IQSEC1: variants seen among roughly 807,000 people sequenced by gnomAD.
IQSEC1 encodes the protein IQ motif and SEC7 domain-containing protein 1.
Under a neutral mutation model 91.0 loss-of-function variants are expected in IQSEC1, and 31 were observed. That is an observed-to-expected ratio of 0.34 (90% CI 0.26 to 0.46). IQSEC1 has a LOEUF of 0.46. Among genes scored for constraint, IQSEC1 ranks in the 20% least tolerant of loss-of-function variants. IQSEC1 has a pLI of 1.00. For synonymous variants in IQSEC1, 699 were observed against 662.6 expected (o/e 1.05, Z -0.84); for missense variants, 1,388 against 1,575.6 (o/e 0.88, Z 2.02).
chr3:13,155,222 T>C lies in IQSEC1; in HGVS notation c.302+8882A>G, dbSNP rs1419087721. Among the ~76,000 whole-genome samples the C allele has an allele frequency of 7.9e-5, 12 of 152,106 alleles. No homozygotes were observed. In the East Asian group the frequency reaches 1.3e-3, roughly 17 times the overall value. ...AACAAAAGTTGGTTCTCCCAGAAGA[T>C]TGACAAAATTGACGATTCACCACTT... is the stretch of plus-strand genomic sequence containing the variant. On this transcript the variant is annotated intron_variant, in intron 2 of 15. Transcript: ENST00000648114.
At chr3:13,204,089 G>A (rs750689694) in intron 1 of IQSEC1, among the ~76,000 whole-genome samples, 2 of 152,236 alleles carry the variant, frequency 1.3e-5, no homozygotes, top group African/African-American at 4.8e-5. Flanking sequence ...AAGGGAGGAC[G>A]CAGGCACTCT....
At chr3:13,041,760 C>T (rs1418774018) in intron 1 of IQSEC1, among the ~76,000 whole-genome samples, 1 of 152,208 alleles carries the variant, frequency 6.6e-6, no homozygotes, top group African/African-American at 2.4e-5. Flanking sequence ...CGAATCCCTA[C>T]AGTTGGGAAA....
chr3:13,064,413 T>C (rs1337447586), intron 1 of IQSEC1, among the ~76,000 whole-genome samples: 1 of 152,032 alleles, frequency 6.6e-6, no homozygotes, highest in African/African-American at 2.4e-5. Context: ...AATGGTAAAA[T>C]TACAGAGAAA....
chr3:13,026,830 A>G (rs1199235333), intron 1 of IQSEC1, among the ~76,000 whole-genome samples: 1 of 148,914 alleles, frequency 6.7e-6, no homozygotes, highest in Non-Finnish European at 1.5e-5. Context: ...TCTTTGCACA[A>G]TCACCCTATG....
Position 12,909,462 on chromosome 3 carries a change from G to T in IQSEC1, c.2417-28C>A. The T allele has an allele frequency of 6.3e-7, 1 of 1,594,904 alleles. No individual in the cohort carries two copies. Among genetic ancestry groups the T allele is most frequent in the South Asian group, 1.1e-5 (1 of 89,924 alleles). On this transcript the variant is annotated intron_variant, in intron 10 of 13. Coordinates refer to ENST00000613206, the MANE Select transcript of IQSEC1 (RefSeq NM_001134382.3). This position sits in a 1 kb window ranked among gnomAD's most constrained non-coding sequence, Gnocchi z 4.9. The stretch of plus-strand genomic sequence containing the variant: ...GCAAAAGGGAAGGAGAGGGGAGGAG[G>T]CCCACGGGTCTCAGTGTGTTCTCTG...
chr3:13,194,115 C>T (rs1013720996), intron 1 of IQSEC1, among the ~76,000 whole-genome samples: 16 of 152,130 alleles, frequency 1.1e-4, no homozygotes, highest in African/African-American at 3.9e-4. Flanking sequence ...TTAGGGCCAC[C>T]ACCACGAGCT....
intron 1 of IQSEC1, among the ~76,000 whole-genome samples, chr3:13,230,333 G>C (rs780438577): frequency 3.3e-5 from 5 of 152,178 alleles, no homozygotes; most frequent in Non-Finnish European, 5.9e-5. Flanking sequence ...AATTGACCTT[G>C]TTCGATGACA....
intron 1 of IQSEC1, among the ~76,000 whole-genome samples, chr3:12,956,506 T>C (rs376233469): frequency 2.6e-5 from 4 of 152,182 alleles, no homozygotes; most frequent in East Asian, 3.8e-4. Context: ...CACAATCCCA[T>C]GGTCATCATA....
chr3:12,920,570 C>A lies in IQSEC1; in HGVS notation c.1880G>T (p.Gly627Val), dbSNP rs766183043. 7.4e-6 allele frequency: 12 copies of A among 1,614,004 alleles called. No individual in the cohort carries two copies. The Admixed American group carries it at 1.5e-4, about 20-fold the overall frequency. ...FSQRYCICNPGVVRQFRNPDT... is the reference protein window; with the variant it reads ...FSQRYCICNPVVVRQFRNPDT... ...TGGGTTCCGGAATTGCCGCACCACC[C>A]CAGGGTTGCAGATGCAGTAGCGCTG... The change falls in exon 6 of 14, where the codon GGG (glycine) becomes GTG (valine). Residue 627 changes from glycine to valine, a missense_variant. Gly to Val is a moderately radical substitution (Grantham distance 109, BLOSUM62 -3). Around this residue, in one of 2 missense-constraint regions of IQSEC1, gnomAD observed 1,059 missense variants for 1,317.8 expected, o/e 0.80. Coordinates refer to ENST00000613206, the MANE Select transcript of IQSEC1 (RefSeq NM_001134382.3).
rs369349212 is a variant in IQSEC1, at chr3:13,045,785, G to A, written c.23+27207C>T. On this transcript the variant is annotated intron_variant, in intron 1 of 13. Transcript: ENST00000613206. ...CAGAGGCCAGGCTCAGCCCCTACAG[G>A]AGCCTCCTCAGCCTCCTTCCCTGGG... Among the ~76,000 whole-genome samples, 5 of 152,336 alleles carry A rather than the reference G, an allele frequency of 3.3e-5. No homozygotes were observed. The East Asian group carries it at 7.7e-4, about 24-fold the overall frequency.
intron 1 of IQSEC1, among the ~76,000 whole-genome samples, chr3:13,241,537 G>A (rs1222742537): frequency 3.3e-5 from 5 of 152,184 alleles, no homozygotes; most frequent in South Asian, 2.1e-4. Context: ...CCTCTCCCTC[G>A]GGGACTGGTT....
At chr3:12,911,477 G>C (rs1325638199) in intron 10 of IQSEC1, 152 bp downstream of exon 10, 3 of 647,190 alleles carry the variant, frequency 4.6e-6, no homozygotes, top group Non-Finnish European at 8.4e-6. Flanking sequence ...TGTGCCTACA[G>C]CTCACCGGAG....
chr3:12,900,057 A>G lies in IQSEC1; in HGVS notation c.*926T>C, dbSNP rs1694076173. ...AATGTCCTAAGACAACCAGCTTGTA[A>G]CCAGCTGTCCTGAGTTGCTACTGTA... On this transcript the variant is annotated 3_prime_UTR_variant, in exon 14 of 14. Coordinates refer to ENST00000613206, the MANE Select transcript of IQSEC1 (RefSeq NM_001134382.3). 1.0e-6 allele frequency: 1 copy of G among 985,358 alleles called. No homozygotes were observed. The highest frequency in any genetic ancestry group is 1.2e-6 in the Non-Finnish European group (1 of 829,908). 61.0% of individuals were successfully genotyped at this position (985,358 alleles called of 1,614,324 possible).
intron 1 of IQSEC1, among the ~76,000 whole-genome samples, chr3:13,245,450 C>T (rs1036882436): frequency 1.3e-5 from 2 of 152,196 alleles, no homozygotes; most frequent in Non-Finnish European, 1.5e-5. Flanking sequence ...GGATGGGAGA[C>T]GCTGAACAGT....
chr3:13,082,147 C>G (rs1203471028), intron 2 of IQSEC1, among the ~76,000 whole-genome samples: 1 of 152,174 alleles, frequency 6.6e-6, no homozygotes, highest in Non-Finnish European at 1.5e-5. Flanking sequence ...GCTCTGTCAC[C>G]TACTAGCTGT....
At chr3:13,134,024 A>T (rs1335574506) in intron 2 of IQSEC1, among the ~76,000 whole-genome samples, 1 of 152,212 alleles carries the variant, frequency 6.6e-6, no homozygotes, top group African/African-American at 2.4e-5. Flanking sequence ...TGTTTTGGGT[A>T]TGATTAGAAG....
rs555978584 is a variant in IQSEC1 at position 12,899,527 on chromosome 3, C to T, written c.*1456G>A. The T allele has an allele frequency of 2.2e-4, 332 of 1,535,100 alleles. 2 individuals carry two copies. The highest frequency in any genetic ancestry group is 2.7e-4 in the Non-Finnish European group (308 of 1,133,948). ...GCATGGTGTCACCACAACACAGAAG[C>T]GACAAGAGCACAGCTGAGAGTCATG... On this transcript the variant is annotated 3_prime_UTR_variant, in exon 14 of 14. Coordinates refer to ENST00000613206, the MANE Select transcript of IQSEC1 (RefSeq NM_001134382.3).
At chr3:12,976,636 T>C (rs1701189583) in intron 1 of IQSEC1, among the ~76,000 whole-genome samples, 1 of 152,170 alleles carries the variant, frequency 6.6e-6, no homozygotes, top group Admixed American at 6.5e-5. Context: ...TCTCATCGAT[T>C]CCCTTTAAAG....
chr3:13,256,316 A>T (rs1309422750), intron 1 of IQSEC1, among the ~76,000 whole-genome samples: 1 of 152,214 alleles, frequency 6.6e-6, no homozygotes, highest in East Asian at 1.9e-4. Flanking sequence ...AATGGCTAAA[A>T]TGGTAAATAA....
Sources: gnomAD v4.1 joint callset for allele counts (sites outside exome capture counted in the v4.1 genomes callset) on GRCh38, gnomAD v4.1.1 for gene constraint, gnomAD v4.1.1 regional missense constraint, Gnocchi (gnomAD v3.1) non-coding constraint, MANE v1.5 for transcripts, NCBI Gene and HGNC (gene_info 2026-07-23, HGNC 2026-07-21) for gene names.